The following EDRF1 variants were observed in gnomAD, a reference collection of about 807,000 sequenced individuals.
EDRF1 encodes erythroid differentiation-related factor 1.
EDRF1 carries 69 observed loss-of-function variants against 148.7 expected under a neutral mutation model. The ratio of observed to expected loss-of-function variants is 0.46; its 90% confidence interval spans 0.38 to 0.57. The LOEUF is 0.57. Ranked by LOEUF, EDRF1 falls within the 20% of genes least tolerant of loss-of-function variation. EDRF1 has a pLI of 0.00. For synonymous variants in EDRF1, 515 were observed against 532.8 expected, an observed-to-expected ratio of 0.97 and a Z score of 0.46; for missense variants, 1,118 against 1,478.7, an observed-to-expected ratio of 0.76 and a Z score of 4.00.
At chr10:125,720,600 G>A (rs1053356704) in intron 1 of EDRF1, among the ~76,000 whole-genome samples, 2 of 151,942 alleles carry the variant, frequency 1.3e-5, no homozygotes, top group African/African-American at 4.8e-5. Flanking sequence ...ACCTGAGGTC[G>A]GGGAGTTCGA....
intron 4 of EDRF1, among the ~76,000 whole-genome samples, chr10:125,724,234 T>G (rs1189166396): frequency 6.6e-6 from 1 of 152,196 alleles, no homozygotes; most frequent in East Asian, 1.9e-4. Context: ...AGTTTAATAT[T>G]TTTAAGAATC....
chr10:125,742,881 TATAA>T (rs1849106650), intron 17 of EDRF1, 173 bp from the exon 18 acceptor site: 5 of 855,928 alleles, frequency 5.8e-6, no homozygotes, highest in African/African-American at 3.7e-5. Context: ...AATATAATTT[TATAA>T]ATAAATAGAT....
intron 2 of EDRF1, among the ~76,000 whole-genome samples, chr10:125,722,108 A>G (rs1486185787): frequency 1.3e-5 from 2 of 152,250 alleles, no homozygotes; most frequent in Non-Finnish European, 2.9e-5. Flanking sequence ...AATAAAAGTT[A>G]TATTTGCAAA....
Position 125,730,312 on chromosome 10 carries a change from G to A in EDRF1, c.1041G>A (p.Val347=), listed in dbSNP as rs1378294154. The A allele has an allele frequency of 6.2e-7, 1 of 1,613,582 alleles. No individual in the cohort carries two copies. The part of the protein sequence containing the change: ...RLRDNNKPIN[V]LTGIDYWLDN... ...GGGATAACAACAAACCAATTAATGT[G>A]CTAACTGGAATTGACTATTGGTTGG... Residue 347 remains valine (V), a synonymous_variant, in exon 9 of 25, where the codon GTG becomes GTA. Coordinates refer to ENST00000356792, the MANE Select transcript of EDRF1 (RefSeq NM_001202438.2).
At chr10:125,721,073 G>A in intron 1 of EDRF1, 131 bp from the exon 2 acceptor site, 1 of 835,952 alleles carries the variant, frequency 1.2e-6, no homozygotes, top group Non-Finnish European at 2.0e-6. Context: ...AATTTATTAA[G>A]TGCTGTTAGT....
chr10:125,731,943 A>T (rs1310742987), intron 9 of EDRF1: 2 of 437,104 alleles, frequency 4.6e-6, no homozygotes, highest in Admixed American at 4.7e-5. Context: ...GCCCAGGGTC[A>T]ACTTAGTAGT....
At chr10:125,747,439 T>G in intron 19 of EDRF1, 97 bp from the exon 20 acceptor site, 2 of 1,312,438 alleles carry the variant, frequency 1.5e-6, no homozygotes, top group African/African-American at 2.9e-5. Flanking sequence ...CAAAATTAAA[T>G]TAACATCTGG....
chr10:125,736,716 A>G (rs1308801685), intron 13 of EDRF1, among the ~76,000 whole-genome samples: 2 of 151,742 alleles, frequency 1.3e-5, no homozygotes, highest in South Asian at 2.1e-4. Flanking sequence ...TTTTCTCTCA[A>G]AAGCATCAAG....
intron 17 of EDRF1, chr10:125,741,794 A>G (rs1849033637): frequency 1.1e-5 from 2 of 179,730 alleles, no homozygotes; most frequent in South Asian, 2.3e-4. Flanking sequence ...CCTGGGTTCA[A>G]GTGATCCTCC....
intron 24 of EDRF1, among the ~76,000 whole-genome samples, chr10:125,754,790 A>G (rs556929748): frequency 6.6e-6 from 1 of 152,360 alleles, no homozygotes; most frequent in Admixed American, 6.5e-5. Flanking sequence ...TGGAAAATAG[A>G]GAAAAGGAAA....
In EDRF1 at chr10:125,725,793, C is replaced by T. The variant is rs150180630; in HGVS notation, c.747C>T (p.Phe249=). ...DSEGASWPAP[F]EMPSSVSEDP... ...AAGGGGCTTCATGGCCTGCTCCCTTCGAAATGCCTTCTTCAGTTTCTGAAG... is the reference window on the plus strand; with the variant it reads ...AAGGGGCTTCATGGCCTGCTCCCTTTGAAATGCCTTCTTCAGTTTCTGAAG... The change falls in exon 6 of 25, where the codon TTC becomes TTT. Residue 249 remains phenylalanine (F), a synonymous_variant. Transcript: ENST00000356792. 177 of 1,613,694 alleles carry T rather than the reference C, an allele frequency of 1.1e-4. No homozygotes were observed. Among genetic ancestry groups the T allele is most frequent in the Non-Finnish European group, 1.4e-4 (160 of 1,180,004 alleles).
chr10:125,727,228 C>T (rs1346272170), intron 6 of EDRF1, among the ~76,000 whole-genome samples: 2 of 152,188 alleles, frequency 1.3e-5, no homozygotes, highest in African/African-American at 4.8e-5. Context: ...CAGCAAGGCC[C>T]TACTAACAGT....
Position 125,733,663 on chromosome 10 carries a change from T to C in EDRF1, c.1305T>C (p.Tyr435=). ...KASGSDIVKL[Y]DLTTLCEETE... ...GTGGCAGCGATATAGTGAAGCTCTATGACCTCACTACTCTTTGTGAAGAAA... is the reference window on the plus strand; with the variant it reads ...GTGGCAGCGATATAGTGAAGCTCTACGACCTCACTACTCTTTGTGAAGAAA... The change falls in exon 11 of 25, where the codon TAT becomes TAC. Residue 435 remains tyrosine (Y), a synonymous_variant. Transcript: ENST00000356792. 1.9e-6 allele frequency: 3 copies of C among 1,613,618 alleles called. No individual in the cohort carries two copies. Among genetic ancestry groups the C allele is most frequent in the Non-Finnish European group, 2.5e-6 (3 of 1,179,598 alleles).
intron 24 of EDRF1, 99 bp downstream of exon 24, chr10:125,753,944 A>G: frequency 1.5e-6 from 2 of 1,322,492 alleles, no homozygotes; most frequent in Non-Finnish European, 2.1e-6. Context: ...GGCCAGGCAC[A>G]TTGGCTCACA....
At chr10:125,739,798 G>C (rs1237925683) in intron 15 of EDRF1, among the ~76,000 whole-genome samples, 1 of 152,180 alleles carries the variant, frequency 6.6e-6, no homozygotes, top group Non-Finnish European at 1.5e-5. Context: ...AACATATTTT[G>C]TTGTGGTTTA....
rs1564728545 is a variant in EDRF1 at position 125,721,421 on chromosome 10, T to C, written c.317+9T>C. The C allele has an allele frequency of 1.9e-6, 3 of 1,613,482 alleles. No homozygotes were observed. Among genetic ancestry groups the C allele is most frequent in the Non-Finnish European group, 1.7e-6 (2 of 1,179,514 alleles). On this transcript the variant is annotated intron_variant, in intron 2 of 24. Transcript: ENST00000356792. ...AGCAAGCCATTTTCAAGGTAAATATTAATCAGTGGCATTTTTACCTGCCCC... is the reference window on the plus strand; with the variant it reads ...AGCAAGCCATTTTCAAGGTAAATATCAATCAGTGGCATTTTTACCTGCCCC...
At chr10:125,721,504 C>T (rs1445537637) in intron 2 of EDRF1, 92 bp downstream of exon 2, 2 of 1,173,204 alleles carry the variant, frequency 1.7e-6, no homozygotes, top group African/African-American at 1.5e-5. Context: ...TGCCTATTAA[C>T]TTGTCGAGAT....
chr10:125,749,056 G>C (rs1038464656), intron 21 of EDRF1: 5 of 329,422 alleles, frequency 1.5e-5, no homozygotes, highest in Admixed American at 8.7e-5. Flanking sequence ...TTAGAGAGCA[G>C]CCTAGCCAAC....
chr10:125,735,754 T>C lies in EDRF1; in HGVS notation c.1608T>C (p.Ser536=). The stretch of plus-strand genomic sequence containing the variant: ...ATGAGAATTCTGATGAAAGTTATAG[T>C]GAAGAGGAGGAAGAGATGCCCGACA... The part of the protein sequence containing the change: ...PLNENSDESY[S]EEEEEMPDSD... The change falls in exon 13 of 25, where the codon AGT becomes AGC. Residue 536 remains serine, a synonymous_variant. Transcript: ENST00000356792. The C allele has an allele frequency of 1.2e-6, 2 of 1,613,810 alleles. No homozygotes were observed. The highest frequency in any genetic ancestry group is 1.7e-6 in the Non-Finnish European group (2 of 1,179,808).
Sources: gnomAD v4.1 joint callset for allele counts (sites outside exome capture counted in the v4.1 genomes callset) on GRCh38, gnomAD v4.1.1 for gene constraint, MANE v1.5 for transcripts, NCBI Gene and HGNC (gene_info 2026-07-23, HGNC 2026-07-21) for gene names.